The following DESI1 variants were observed in gnomAD, a reference collection of about 807,000 sequenced individuals.
The protein encoded by DESI1 is desumoylating isopeptidase 1.
DESI1 carries 17 observed loss-of-function variants against 22.4 expected under a neutral mutation model. The ratio of observed to expected loss-of-function variants is 0.76; its 90% confidence interval spans 0.52 to 1.14. The LOEUF (loss-of-function observed/expected upper bound fraction) is 1.14, where lower values mean the gene tolerates loss of function less well. Among genes scored for constraint, DESI1 ranks in the 50% most tolerant of loss-of-function variants. The pLI is 0.00. For synonymous variants in DESI1, 92 were observed against 84.2 expected (o/e 1.09, Z -0.51); for missense variants, 177 against 208.9 (o/e 0.85, Z 0.94).
chr22:41,620,774 C>G lies in DESI1; in HGVS notation c.66G>C (p.Arg22=), dbSNP rs2067586510. 1 of 1,612,024 alleles carries G rather than the reference C, an allele frequency of 6.2e-7. No homozygotes were observed. Among genetic ancestry groups the G allele is most frequent in the African/African-American group, 1.3e-5 (1 of 74,990 alleles). Residue 22 remains arginine (R), a synonymous_variant, in exon 1 of 6, where the codon CGG becomes CGC. Transcript: ENST00000263256. ...YVYDLSKGLA[R]RLSPIMLGKQ... is the part of the protein sequence containing the mutation. The stretch of plus-strand genomic sequence containing the variant: ...CACCCAGCATGATGGGGCTGAGCCG[C>G]CGGGCCAGGCCTTTGGACAGGTCGT...
At chr22:41,605,400 C>T (rs1207890527) in intron 3 of DESI1, among the ~76,000 whole-genome samples, 1 of 152,086 alleles carries the variant, frequency 6.6e-6, no homozygotes, top group Non-Finnish European at 1.5e-5. Flanking sequence ...GGGGAAGCAA[C>T]GGGATCAGCA....
intron 3 of DESI1, among the ~76,000 whole-genome samples, chr22:41,605,507 T>C (rs1266502398): frequency 6.6e-6 from 1 of 152,174 alleles, no homozygotes; most frequent in East Asian, 1.9e-4. Flanking sequence ...TAGCTGACAT[T>C]GTTCTGGGCA....
intron 2 of DESI1, 69 bp from the exon 3 acceptor site, chr22:41,607,400 G>A (rs1326973164): frequency 6.9e-7 from 1 of 1,448,306 alleles, no homozygotes; most frequent in East Asian, 2.4e-5. Flanking sequence ...ACACCATAAT[G>A]CAATGAGAGT....
At chr22:41,614,917 A>G (rs1334781440) in intron 1 of DESI1, among the ~76,000 whole-genome samples, 3 of 150,670 alleles carry the variant, frequency 2.0e-5, no homozygotes, top group African/African-American at 7.3e-5. Flanking sequence ...TTTTTTAACA[A>G]AAAAGTTCCT....
intron 1 of DESI1, 140 bp downstream of exon 1, chr22:41,620,612 T>C (rs931214861): frequency 6.3e-6 from 5 of 798,410 alleles, no homozygotes; most frequent in African/African-American, 5.3e-5. Flanking sequence ...CAGACCACTC[T>C]CTTCTCCACT....
At chr22:41,602,766 C>T (rs2067456544) in intron 5 of DESI1, 60 of 998,626 alleles carry the variant, frequency 6.0e-5, no homozygotes, top group Non-Finnish European at 7.2e-5. Flanking sequence ...TTGAAGAAAA[C>T]ATCTGTTGAA....
At chr22:41,604,872 C>T (rs2067470214) in intron 3 of DESI1, among the ~76,000 whole-genome samples, 1 of 152,124 alleles carries the variant, frequency 6.6e-6, no homozygotes, top group Non-Finnish European at 1.5e-5. Context: ...TTTCTGGTCA[C>T]TTTTCATTGC....
chr22:41,608,238 C>A (rs2067494243), intron 1 of DESI1, among the ~76,000 whole-genome samples: 1 of 152,138 alleles, frequency 6.6e-6, no homozygotes, highest in Non-Finnish European at 1.5e-5. Context: ...TGAAATCCTT[C>A]AGAAACTGAT....
At chr22:41,609,829 T>C (rs1395409404) in intron 1 of DESI1, among the ~76,000 whole-genome samples, 1 of 151,458 alleles carries the variant, frequency 6.6e-6, no homozygotes, top group Admixed American at 6.6e-5. Flanking sequence ...GGCTCACACC[T>C]GTAATCCCAG....
At chr22:41,609,825 C>T (rs1420518588) in intron 1 of DESI1, among the ~76,000 whole-genome samples, 1 of 151,260 alleles carries the variant, frequency 6.6e-6, no homozygotes, top group African/African-American at 2.4e-5. Context: ...TGGTGGCTCA[C>T]ACCTGTAATC....
At position 41,605,549 on chromosome 22, in the gene DESI1, G is replaced by C. The variant is rs557781532; in HGVS notation, c.181-1396C>G. 2.6e-5 allele frequency among the ~76,000 whole-genome samples: 4 copies of C among 152,320 alleles called. No individual in the cohort carries two copies. The East Asian group carries it at 7.7e-4, about 29-fold the overall frequency. ...AAAGCATGGTGAGCAAGATAACCATGGTAGGCAGAGAACAATTATCTCAGA... is the reference window on the plus strand; with the variant it reads ...AAAGCATGGTGAGCAAGATAACCATCGTAGGCAGAGAACAATTATCTCAGA... On this transcript the variant is annotated intron_variant, in intron 3 of 5. Coordinates refer to ENST00000263256, the MANE Select transcript of DESI1 (RefSeq NM_015704.3).
At chr22:41,607,623 C>G (rs2067490882) in intron 2 of DESI1, among the ~76,000 whole-genome samples, 1 of 152,194 alleles carries the variant, frequency 6.6e-6, no homozygotes, top group African/African-American at 2.4e-5. Flanking sequence ...CAGTAGCATC[C>G]TCCTCCCTGT....
intron 1 of DESI1, among the ~76,000 whole-genome samples, chr22:41,614,151 C>T (rs1212463716): frequency 1.3e-5 from 2 of 152,016 alleles, no homozygotes; most frequent in Admixed American, 6.5e-5. Context: ...ATTCTCCTGC[C>T]TCAGCCTCCC....
At chr22:41,602,926 T>A in intron 5 of DESI1, 1 of 646,500 alleles carries the variant, frequency 1.5e-6, no homozygotes, top group Non-Finnish European at 2.1e-6. Context: ...CATTGCATTT[T>A]AACTGGGTGC....
chr22:41,605,301 G>C (rs10483212), intron 3 of DESI1, among the ~76,000 whole-genome samples: 2,620 of 152,232 alleles, frequency 0.017, 74 homozygotes, highest in African/African-American at 0.059. Context: ...GCTCCCGAAA[G>C]GCCTACAGAA....
intron 1 of DESI1, among the ~76,000 whole-genome samples, chr22:41,614,088 G>A (rs2067534636): frequency 1.3e-5 from 2 of 151,926 alleles, no homozygotes; most frequent in South Asian, 4.2e-4. Context: ...CCAGGCTGGG[G>A]TGCAGCGGTG....
At chr22:41,602,411 T>G (rs562144112) in intron 5 of DESI1, 1 of 985,450 alleles carries the variant, frequency 1.0e-6, no homozygotes, top group East Asian at 1.1e-4. Context: ...GCTGGCGGAC[T>G]GGGGCTCCTC....
intron 1 of DESI1, among the ~76,000 whole-genome samples, chr22:41,609,146 C>T (rs754354429): frequency 9.9e-5 from 15 of 152,130 alleles, no homozygotes; most frequent in South Asian, 2.1e-4. Context: ...TTTGCCATGT[C>T]GGCCAGGCTG....
At chr22:41,615,899 G>GTTATCAAATGTTA (rs2067548140) in intron 1 of DESI1, among the ~76,000 whole-genome samples, 1 of 152,130 alleles carries the variant, frequency 6.6e-6, no homozygotes, top group Non-Finnish European at 1.5e-5. Flanking sequence ...TGTTATATGT[G>GTTATCAAATGTTA]TACATTCATT....
Sources: allele counts gnomAD v4.1 joint callset (sites outside exome capture counted in the v4.1 genomes callset), GRCh38; gene constraint gnomAD v4.1.1; transcripts MANE v1.5; gene names NCBI Gene and HGNC (gene_info 2026-07-23, HGNC 2026-07-21).